Variants in SNX7 observed in about 807,000 individuals in gnomAD.
SNX7 encodes sorting nexin 7, also known as sorting nexin-7.
A neutral mutation model predicts 48.4 loss-of-function variants in SNX7; 35 were observed. The observed-to-expected ratio is 0.72, with a 90% confidence interval of 0.55 to 0.96. The LOEUF (loss-of-function observed/expected upper bound fraction) is 0.96, where lower values mean the gene tolerates loss of function less well. Ranked by LOEUF, SNX7 falls within the 40% of genes least tolerant of loss-of-function variation. The pLI, the probability that SNX7 is intolerant of heterozygous loss-of-function variation, is 0.00. For synonymous variants in SNX7, 190 were observed against 190.2 expected (o/e 1.00, Z 0.01); for missense variants, 553 against 548.9 (o/e 1.01, Z -0.07).
chr1:98,725,247 T>G (rs1351082628), intron 7 of SNX7, among the ~76,000 whole-genome samples: 1 of 152,234 alleles, frequency 6.6e-6, no homozygotes, highest in Non-Finnish European at 1.5e-5. Flanking sequence ...CCATGTTTAT[T>G]CATGACTTTG....
chr1:98,662,762 CG>C (rs1557780322), intron 1 of SNX7: 1 of 1,289,336 alleles, frequency 7.8e-7, no homozygotes, highest in South Asian at 1.2e-5. Flanking sequence ...CAGATCACAA[CG>C]CTGTATTCAT....
intron 7 of SNX7, among the ~76,000 whole-genome samples, chr1:98,711,984 C>T (rs911796836): frequency 3.9e-5 from 6 of 152,182 alleles, no homozygotes; most frequent in Non-Finnish European, 8.8e-5. Flanking sequence ...AAATCACTTT[C>T]TTTGCTCATC....
chr1:98,703,166 C>T (rs367643507), intron 7 of SNX7, among the ~76,000 whole-genome samples: 14 of 152,164 alleles, frequency 9.2e-5, no homozygotes, highest in African/African-American at 3.1e-4. Context: ...ACATGGTAGT[C>T]ACTCAATAAA....
In SNX7 at chr1:98,661,770, G is replaced by A; in HGVS notation, c.39G>A (p.Ser13=). Residue 13 remains serine, a synonymous_variant, in exon 1 of 9, where the codon TCG becomes TCA. Coordinates refer to ENST00000306121, the MANE Select transcript of SNX7 (RefSeq NM_015976.5). ...GERRASQAPS[S]GLPAGGANGE... ...GCCGGGCATCGCAGGCGCCCTCCTCGGGCCTCCCGGCCGGGGGCGCCAACG... is the reference window on the plus strand; with the variant it reads ...GCCGGGCATCGCAGGCGCCCTCCTCAGGCCTCCCGGCCGGGGGCGCCAACG... 2 of 1,241,242 alleles carry A rather than the reference G, an allele frequency of 1.6e-6. No homozygotes were observed. The highest frequency in any genetic ancestry group is 4.1e-5 in the South Asian group (1 of 24,292). The allele number at this position is 1,241,242 out of a possible 1,614,324, so 76.9% of individuals were successfully genotyped here. A position where few individuals can be genotyped will look rare whatever the true frequency, so the allele number is the denominator to read the frequency against.
chr1:98,678,286 G>A (rs1570498758), intron 1 of SNX7, among the ~76,000 whole-genome samples: 1 of 152,116 alleles, frequency 6.6e-6, no homozygotes, highest in Admixed American at 6.5e-5. Flanking sequence ...CTCATAGACT[G>A]AGAACTTACT....
chr1:98,673,602 C>G (rs1298090544), intron 1 of SNX7, among the ~76,000 whole-genome samples: 1 of 152,180 alleles, frequency 6.6e-6, no homozygotes, highest in Non-Finnish European at 1.5e-5. Flanking sequence ...ATCCCCAGCC[C>G]AGTGCCTGAC....
chr1:98,733,575 C>A (rs1489276084), intron 7 of SNX7, among the ~76,000 whole-genome samples: 1 of 152,154 alleles, frequency 6.6e-6, no homozygotes, highest in Non-Finnish European at 1.5e-5. Flanking sequence ...TTCAGAAACT[C>A]CAAGGTAAAC....
chr1:98,664,452 C>T (rs11579230), intron 1 of SNX7, among the ~76,000 whole-genome samples: 36,122 of 151,988 alleles, frequency 0.24, 4,419 homozygotes, highest in East Asian at 0.33. Context: ...CTCTTGAACC[C>T]GGGATGCAGA....
At chr1:98,685,100 G>A (rs1481540354) in intron 2 of SNX7, 33 bp downstream of exon 2, 2 of 1,336,284 alleles carry the variant, frequency 1.5e-6, no homozygotes, top group African/African-American at 1.5e-5. Flanking sequence ...CTTGAATATA[G>A]CTGCTTTTTT....
chr1:98,666,495 G>C (rs908538880), intron 1 of SNX7, among the ~76,000 whole-genome samples: 5 of 152,084 alleles, frequency 3.3e-5, no homozygotes, highest in African/African-American at 1.2e-4. Flanking sequence ...ACTCCTCTTT[G>C]AGTGGTCTTG....
intron 8 of SNX7, among the ~76,000 whole-genome samples, chr1:98,745,720 T>C (rs17388577): frequency 0.26 from 40,151 of 151,898 alleles, 5,611 homozygotes; most frequent in Middle Eastern, 0.31. Flanking sequence ...CTGCATTATC[T>C]TACCGTCTTA....
chr1:98,666,267 G>T (rs1193355572), intron 1 of SNX7, among the ~76,000 whole-genome samples: 1 of 152,128 alleles, frequency 6.6e-6, no homozygotes, highest in Non-Finnish European at 1.5e-5. Context: ...GAGTTGTAGT[G>T]GGAAAAAGCT....
At chr1:98,661,395 C>A (rs867410872), upstream of SNX7, among the ~76,000 whole-genome samples, 1 of 152,026 alleles carries the variant, frequency 6.6e-6, no homozygotes, top group East Asian at 1.9e-4. Context: ...CCCGCCACTG[C>A]GGAAACCGTC....
chr1:98,673,344 A>T (rs1649981839), intron 1 of SNX7, among the ~76,000 whole-genome samples: 1 of 151,790 alleles, frequency 6.6e-6, no homozygotes, highest in Non-Finnish European at 1.5e-5. Flanking sequence ...TGTATAGCTG[A>T]CTCCTTCTCA....
intron 4 of SNX7, among the ~76,000 whole-genome samples, chr1:98,692,998 G>T (rs1208547584): frequency 2.0e-5 from 3 of 151,708 alleles, no homozygotes; most frequent in African/African-American, 7.3e-5. Context: ...TTTTTTAGTT[G>T]TCACAAATCT....
At chr1:98,670,455 G>C (rs182665469) in intron 1 of SNX7, among the ~76,000 whole-genome samples, 195 of 152,318 alleles carry the variant, frequency 1.3e-3, no homozygotes, top group African/African-American at 4.6e-3. Flanking sequence ...GGCGCTAGCA[G>C]AAACTATAGC....
intron 7 of SNX7, among the ~76,000 whole-genome samples, chr1:98,721,096 GTT>G (rs200681266): frequency 1.0e-5 from 1 of 96,752 alleles, no homozygotes; most frequent in African/African-American, 3.2e-5. Flanking sequence ...TGCACCTCAA[GTT>G]TGTGTTCCCA....
At chr1:98,711,405 G>A (rs1311413873) in intron 7 of SNX7, among the ~76,000 whole-genome samples, 1 of 151,964 alleles carries the variant, frequency 6.6e-6, no homozygotes, top group African/African-American at 2.4e-5. Flanking sequence ...TAAATTAAAT[G>A]CATTTTGATT....
chr1:98,674,504 G>A (rs535746319), intron 1 of SNX7, among the ~76,000 whole-genome samples: 6 of 152,144 alleles, frequency 3.9e-5, no homozygotes, highest in South Asian at 2.1e-4. Context: ...GATAGCAGTC[G>A]TAATTGGATT....
Sources: allele counts gnomAD v4.1 joint callset (sites outside exome capture counted in the v4.1 genomes callset), GRCh38; gene constraint gnomAD v4.1.1; transcripts MANE v1.5; gene names NCBI Gene and HGNC (gene_info 2026-07-23, HGNC 2026-07-21).